ZNF814: variants seen among roughly 807,000 people sequenced by gnomAD.
ZNF814 encodes the protein zinc finger protein 814.
ZNF814 carries 5 observed loss-of-function variants against 7.5 expected under a neutral mutation model. The observed-to-expected ratio is 0.67, with a 90% confidence interval of 0.35 to 1.40. The LOEUF (loss-of-function observed/expected upper bound fraction) is 1.40. Ranked by LOEUF, ZNF814 falls within the 40% of genes most tolerant of loss-of-function variation. ZNF814 has a pLI of 0.04. For synonymous variants in ZNF814, 315 were observed against 340.7 expected, an observed-to-expected ratio of 0.92 and a Z score of 0.83; for missense variants, 962 against 1,018.0, an observed-to-expected ratio of 0.94 and a Z score of 0.75.
At chr19:57,895,467 G>GT in the ZNF814 span, among the ~76,000 whole-genome samples, 1 of 151,710 alleles carries the variant, frequency 6.6e-6, no homozygotes, top group African/African-American at 2.4e-5. Context: ...GTAGAGATGG[G>GT]TTTTCACCAT....
At chr19:57,878,284 G>A (rs1267951214) in intron 1 of ZNF814, among the ~76,000 whole-genome samples, 1 of 151,670 alleles carries the variant, frequency 6.6e-6, no homozygotes, top group Non-Finnish European at 1.5e-5. Context: ...CCATGGCCAT[G>A]GCATGCAAGC....
the ZNF814 span, among the ~76,000 whole-genome samples, chr19:57,902,963 G>A: frequency 2.6e-5 from 4 of 152,110 alleles, no homozygotes; most frequent in Non-Finnish European, 5.9e-5. Context: ...ACAGGTGTGA[G>A]CCACCCCGCC....
the ZNF814 span, among the ~76,000 whole-genome samples, chr19:57,900,065 CT>C: frequency 6.7e-4 from 102 of 152,200 alleles, no homozygotes; most frequent in African/African-American, 2.3e-3. Flanking sequence ...ATATTGCCTT[CT>C]ATTACTCAAA....
chr19:57,894,006 C>T (rs1349618849), upstream of ZNF814, among the ~76,000 whole-genome samples: 2 of 151,976 alleles, frequency 1.3e-5, no homozygotes, highest in African/African-American at 4.8e-5. Flanking sequence ...TCACTTGAAC[C>T]CAGGAGGTGG....
At position 57,873,538 on chromosome 19, in the gene ZNF814, T is replaced by A. The variant is rs767086549; in HGVS notation, c.1852A>T (p.Ser618Cys). The change falls in exon 3 of 3, where the codon AGC becomes TGC. Residue 618 changes from serine (S) to cysteine (C), a missense_variant. Ser to Cys is a moderately radical substitution (Grantham distance 112). Coordinates refer to ENST00000435989, the MANE Select transcript of ZNF814 (RefSeq NM_001144989.2). The stretch of plus-strand genomic sequence containing the variant: ...TGCATGCGCTGATGGTGAACAAGGC[T>A]GCGCTTATGACTAAAAGATTTCCCA... ...ECGKSFSHKR[S>C]LVHHQRMHTG... is the part of the protein sequence containing the mutation. The A allele has an allele frequency of 2.5e-6, 4 of 1,614,146 alleles. No homozygotes were observed. Among genetic ancestry groups the A allele is most frequent in the Admixed American group, 1.7e-5 (1 of 60,024 alleles).
chr19:57,897,504 A>G, the ZNF814 span, among the ~76,000 whole-genome samples: 39 of 152,342 alleles, frequency 2.6e-4, no homozygotes, highest in Middle Eastern at 3.4e-3. Flanking sequence ...AGACAGTGTC[A>G]TTCTAAATTT....
At chr19:57,882,790 G>A (rs185213706) in intron 1 of ZNF814, among the ~76,000 whole-genome samples, 2 of 151,362 alleles carry the variant, frequency 1.3e-5, no homozygotes, top group East Asian at 3.9e-4. Flanking sequence ...AGAAGGACAG[G>A]TACAAATGAG....
At chr19:57,901,940 A>G in the ZNF814 span, among the ~76,000 whole-genome samples, 1 of 152,288 alleles carries the variant, frequency 6.6e-6, no homozygotes, top group East Asian at 1.9e-4. Context: ...TAGATAACAG[A>G]GTGCCGATGC....
chr19:57,871,372 T>G lies in ZNF814; in HGVS notation c.*1450A>C, dbSNP rs2071555830. 6.6e-6 allele frequency: 1 copy of G among 152,128 alleles called. No homozygotes were observed. Among genetic ancestry groups the G allele is most frequent in the Admixed American group, 6.5e-5 (1 of 15,272 alleles). The allele number at this position is 152,128 out of a possible 1,614,324, so 9.4% of individuals were successfully genotyped here. Reference sequence around the variant, plus strand: ...GGCCTCTGGCAGCTATGCAAAGCAGTCCACAAGTGGAGAAAGCTACATTCT... The same window carrying G: ...GGCCTCTGGCAGCTATGCAAAGCAGGCCACAAGTGGAGAAAGCTACATTCT... On this transcript the variant is annotated 3_prime_UTR_variant, in exon 3 of 3. Coordinates refer to ENST00000435989, the MANE Select transcript of ZNF814 (RefSeq NM_001144989.2).
intron 1 of ZNF814, among the ~76,000 whole-genome samples, chr19:57,879,165 A>G (rs1313441376): frequency 6.8e-6 from 1 of 147,984 alleles, no homozygotes; most frequent in Non-Finnish European, 1.5e-5. Flanking sequence ...ATTGGATCCT[A>G]AAAGGAGCGG....
chr19:57,872,617 A>C lies in ZNF814; in HGVS notation c.*205T>G. ...AACTCTCCTGTGTTTAATGAGACTGAAAGTTTCAGCAAAGGATTTCCCACA... is the reference window on the plus strand; with the variant it reads ...AACTCTCCTGTGTTTAATGAGACTGCAAGTTTCAGCAAAGGATTTCCCACA... On this transcript the variant is annotated 3_prime_UTR_variant, in exon 3 of 3. Transcript: ENST00000435989. 7.4e-7 allele frequency: 1 copy of C among 1,353,318 alleles called. No individual in the cohort carries two copies. The highest frequency in any genetic ancestry group is 1.3e-5 in the South Asian group (1 of 75,758). The allele number at this position is 1,353,318 out of a possible 1,614,324, so 83.8% of individuals were successfully genotyped here. A position where few individuals can be genotyped will look rare whatever the true frequency, so the allele number is the denominator to read the frequency against.
At chr19:57,884,162 A>T (rs552889110) in intron 1 of ZNF814, among the ~76,000 whole-genome samples, 1 of 152,318 alleles carries the variant, frequency 6.6e-6, no homozygotes, top group African/African-American at 2.4e-5. Context: ...AAAGAAAACA[A>T]TCAACAAAGT....
rs1217958804 is a variant in ZNF814 at position 57,884,161 on chromosome 19, A to C, written c.36+4606T>G. On this transcript the variant is annotated intron_variant, in intron 1 of 2. Coordinates refer to ENST00000435989, the MANE Select transcript of ZNF814 (RefSeq NM_001144989.2). ...AAAGCTTCTGTACAGCAAAGAAAAC[A>C]ATCAACAAAGTGAAGAGATAACCCA... is the stretch of plus-strand genomic sequence containing the variant. Among the ~76,000 whole-genome samples, 6 of 152,218 alleles carry C rather than the reference A, an allele frequency of 3.9e-5. No individual in the cohort carries two copies. In the East Asian group the frequency reaches 9.6e-4, roughly 24 times the overall value.
Position 57,872,820 on chromosome 19 carries a change from A to T in ZNF814, c.*2T>A, listed in dbSNP as rs768834125. The T allele has an allele frequency of 9.3e-6, 15 of 1,610,012 alleles. No individual in the cohort carries two copies. The South Asian group carries it at 1.5e-4, about 17-fold the overall frequency. On this transcript the variant is annotated 3_prime_UTR_variant, in exon 3 of 3. Transcript: ENST00000435989. ...CTAAAAACTTTCTGACAATCCTCAC[A>T]CTCATATGGCTTTTCTCCAGTGTGA... is the stretch of plus-strand genomic sequence containing the variant.
chr19:57,877,382 C>G (rs1216700213), intron 1 of ZNF814, among the ~76,000 whole-genome samples: 1 of 152,166 alleles, frequency 6.6e-6, no homozygotes, highest in Non-Finnish European at 1.5e-5. Flanking sequence ...ATGTCCATCC[C>G]CAGGTGACTG....
At chr19:57,876,273 G>C (rs2071607125) in intron 2 of ZNF814, among the ~76,000 whole-genome samples, 1 of 151,912 alleles carries the variant, frequency 6.6e-6, no homozygotes, top group Non-Finnish European at 1.5e-5. Context: ...CCACTCTTTA[G>C]GGACTCACTC....
At chr19:57,883,144 T>TGAGG (rs1291250068) in intron 1 of ZNF814, among the ~76,000 whole-genome samples, 17 of 145,452 alleles carry the variant, frequency 1.2e-4, no homozygotes, top group East Asian at 1.0e-3. Flanking sequence ...AGATCACAAA[T>TGAGG]TCAGGAGATC....
At position 57,871,387 on chromosome 19, in the gene ZNF814, A is replaced by G. The variant is rs1218814899; in HGVS notation, c.*1435T>C. ...TGCAAAGCAGTCCACAAGTGGAGAA[A>G]GCTACATTCTGCATTCATACTGTTC... On this transcript the variant is annotated 3_prime_UTR_variant, in exon 3 of 3. Coordinates refer to ENST00000435989, the MANE Select transcript of ZNF814 (RefSeq NM_001144989.2). The G allele has an allele frequency of 6.6e-6, 1 of 152,158 alleles. No homozygotes were observed. 9.4% of individuals were successfully genotyped at this position (152,158 alleles called of 1,614,324 possible).
chr19:57,893,200 G>A (rs1402687232), upstream of ZNF814, among the ~76,000 whole-genome samples: 2 of 146,352 alleles, frequency 1.4e-5, no homozygotes, highest in Non-Finnish European at 3.0e-5. Flanking sequence ...TGGAGACGGA[G>A]TCTTGCACTG....
Sources: allele counts gnomAD v4.1 joint callset (sites outside exome capture counted in the v4.1 genomes callset), GRCh38; gene constraint gnomAD v4.1.1; transcripts MANE v1.5; gene names NCBI Gene and HGNC (gene_info 2026-07-23, HGNC 2026-07-21).